The following TBC1D12 variants were observed in gnomAD, a reference collection of about 807,000 sequenced individuals.
The protein encoded by TBC1D12 is TBC1 domain family, member 12.
In TBC1D12, 56 loss-of-function variants were observed where a neutral mutation model predicts 86.7. The observed-to-expected ratio is 0.65, with a 90% CI of 0.52 to 0.81. The LOEUF (loss-of-function observed/expected upper bound fraction) is 0.81, where lower values mean the gene tolerates loss of function less well. Among genes scored for constraint, TBC1D12 ranks in the 30% least tolerant of loss-of-function variants. TBC1D12 has a pLI of 0.00. For missense variants in TBC1D12, 1,023 were observed against 1,038.8 expected (o/e 0.98, Z 0.21); for synonymous variants, 421 against 411.7 (o/e 1.02, Z -0.27).
chr10:94,479,353 T>A (rs570640135), intron 3 of TBC1D12, among the ~76,000 whole-genome samples: 3 of 152,286 alleles, frequency 2.0e-5, no homozygotes, highest in East Asian at 1.9e-4. Context: ...AAGTTTTTTT[T>A]AAGTATTAAC....
chr10:94,497,479 A>G (rs1158024450), intron 5 of TBC1D12, among the ~76,000 whole-genome samples: 1 of 148,638 alleles, frequency 6.7e-6, no homozygotes, highest in Admixed American at 6.7e-5. Context: ...TCTACCACCT[A>G]CTTCCCTTAC....
chr10:94,436,575 A>G (rs1246411899), intron 1 of TBC1D12, among the ~76,000 whole-genome samples: 2 of 152,138 alleles, frequency 1.3e-5, no homozygotes, highest in African/African-American at 2.4e-5. Context: ...TTTCCTTTCT[A>G]TAAATGTGAA....
In TBC1D12 at chr10:94,522,394, C is replaced by T. The variant is rs1363746190; in HGVS notation, c.1941C>T (p.Ser647=). Residue 647 remains serine, a synonymous_variant, in exon 11 of 13, where the codon TCC becomes TCT. Transcript: ENST00000225235. ...TFEVFFEENL[S]KLFLHFKSYS... ...AAGTATTCTTTGAAGAAAATCTTTC[C>T]AAATTATTTCTTCACTTCAAATCTT... 6.8e-7 allele frequency: 1 copy of T among 1,465,376 alleles called. No homozygotes were observed. Among genetic ancestry groups the T allele is most frequent in the Non-Finnish European group, 9.3e-7 (1 of 1,077,936 alleles). The allele number at this position is 1,465,376 out of a possible 1,614,324, so 90.8% of individuals were successfully genotyped here.
intron 2 of TBC1D12, among the ~76,000 whole-genome samples, chr10:94,460,402 C>T (rs927765949): frequency 4.2e-5 from 6 of 143,762 alleles, no homozygotes; most frequent in African/African-American, 1.5e-4. Context: ...TCTAGGTTTG[C>T]AATTTTTTTT....
chr10:94,522,558 T>C (rs543634062), intron 11 of TBC1D12, 105 bp downstream of exon 11: 113 of 521,516 alleles, frequency 2.2e-4, no homozygotes, highest in Non-Finnish European at 3.6e-4. Context: ...ATTTTACATA[T>C]AAAGAGCCTT....
intron 1 of TBC1D12, among the ~76,000 whole-genome samples, chr10:94,431,634 T>C (rs1163896682): frequency 6.6e-6 from 1 of 152,090 alleles, no homozygotes; most frequent in Non-Finnish European, 1.5e-5. Context: ...TACAGATACA[T>C]TGTGGATCAA....
At chr10:94,443,449 A>C (rs569080310) in intron 2 of TBC1D12, among the ~76,000 whole-genome samples, 3 of 152,192 alleles carry the variant, frequency 2.0e-5, no homozygotes, top group Non-Finnish European at 4.4e-5. Flanking sequence ...CCTGGCTTGT[A>C]GTTAATTTTC....
intron 1 of TBC1D12, among the ~76,000 whole-genome samples, chr10:94,430,878 C>T (rs1206787000): frequency 6.6e-6 from 1 of 152,168 alleles, no homozygotes; most frequent in East Asian, 1.9e-4. Context: ...TCAGTTGATG[C>T]TATTTCCTAA....
At chr10:94,439,969 TC>T (rs2134088267) in intron 1 of TBC1D12, among the ~76,000 whole-genome samples, 1 of 152,334 alleles carries the variant, frequency 6.6e-6, no homozygotes, top group African/African-American at 2.4e-5. Context: ...CAAATTTTTT[TC>T]TTAGAAGTAT....
intron 2 of TBC1D12, among the ~76,000 whole-genome samples, chr10:94,452,446 C>T (rs777693376): frequency 6.6e-5 from 10 of 152,096 alleles, no homozygotes; most frequent in Non-Finnish European, 1.5e-4. Context: ...ATTCATTCTT[C>T]CCTCCTCCAA....
chr10:94,499,639 G>A (rs2056369673), intron 5 of TBC1D12, among the ~76,000 whole-genome samples: 1 of 152,102 alleles, frequency 6.6e-6, no homozygotes, highest in Admixed American at 6.6e-5. Context: ...TATTATCTGA[G>A]GCACTTTACA....
At position 94,493,588 on chromosome 10, in the gene TBC1D12, G is replaced by T. The variant is rs1367612527; in HGVS notation, c.1294+141G>T. ...TCGTTTCTTTTTTGAGTCTTGCTCT[G>T]TTGCCCAGCCTGGTATGCAGTGATG... On this transcript the variant is annotated intron_variant, in intron 4 of 12. Coordinates refer to ENST00000225235, the MANE Select transcript of TBC1D12 (RefSeq NM_015188.2). 5.7e-6 allele frequency: 4 copies of T among 699,354 alleles called. No homozygotes were observed. In the East Asian group the frequency reaches 1.1e-4, roughly 19 times the overall value. 43.3% of individuals were successfully genotyped at this position (699,354 alleles called of 1,614,324 possible).
intron 1 of TBC1D12, among the ~76,000 whole-genome samples, chr10:94,404,983 G>T (rs1348962105): frequency 6.6e-6 from 1 of 151,284 alleles, no homozygotes; most frequent in African/African-American, 2.4e-5. Flanking sequence ...GAAGGCGGAG[G>T]TTGCTGTGAG....
intron 11 of TBC1D12, among the ~76,000 whole-genome samples, chr10:94,525,411 A>C (rs989458963): frequency 1.3e-5 from 2 of 152,144 alleles, no homozygotes; most frequent in African/African-American, 4.8e-5. Flanking sequence ...CAGGAGTTCC[A>C]GACCAGCCTG....
chr10:94,531,148 T>C, intron 11 of TBC1D12, 54 bp from the exon 12 acceptor site: 1 of 1,569,876 alleles, frequency 6.4e-7, no homozygotes. Context: ...GCTTACTGAG[T>C]AAATGAGTCA....
At chr10:94,482,572 T>TCCC (rs2134158883) in intron 3 of TBC1D12, among the ~76,000 whole-genome samples, 2 of 152,152 alleles carry the variant, frequency 1.3e-5, no homozygotes, top group East Asian at 3.9e-4. Flanking sequence ...TGCCTCAGCC[T>TCCC]CCCGAGTAGC....
chr10:94,522,511 G>C (rs1417322862), intron 11 of TBC1D12, 58 bp downstream of exon 11: 2 of 762,770 alleles, frequency 2.6e-6, no homozygotes, highest in South Asian at 2.1e-5. Context: ...ATAACTTTTT[G>C]TGTGTTTTAG....
chr10:94,523,988 C>G (rs960308793), intron 11 of TBC1D12, among the ~76,000 whole-genome samples: 9 of 151,888 alleles, frequency 5.9e-5, no homozygotes, highest in African/African-American at 2.2e-4. Context: ...ATGTATGTTG[C>G]CAAATCATGT....
At chr10:94,513,247 C>A (rs1450107780) in intron 9 of TBC1D12, among the ~76,000 whole-genome samples, 15 of 135,184 alleles carry the variant, frequency 1.1e-4, no homozygotes, top group Non-Finnish European at 8.0e-5. Flanking sequence ...AACTCTGTCT[C>A]ACAAAAAAAA....
Sources: gnomAD v4.1 joint callset for allele counts (sites outside exome capture counted in the v4.1 genomes callset) on GRCh38, gnomAD v4.1.1 for gene constraint, MANE v1.5 for transcripts, NCBI Gene and HGNC (gene_info 2026-07-23, HGNC 2026-07-21) for gene names.